The following HOXD11 variants were observed in gnomAD, a reference collection of about 807,000 sequenced individuals.
HOXD11 encodes homeobox D11.
In HOXD11, 16 loss-of-function variants were observed where a neutral mutation model predicts 23.1. That is an observed-to-expected ratio of 0.69 (90% confidence interval 0.47 to 1.05). The LOEUF (loss-of-function observed/expected upper bound fraction) is 1.05, where lower values mean the gene tolerates loss of function less well. Among genes scored for constraint, HOXD11 ranks in the 50% least tolerant of loss-of-function variants. The probability of loss-of-function intolerance (pLI) is 0.00; values close to 1 mark genes in which losing one functional copy is unlikely to be tolerated. For synonymous variants in HOXD11, 262 were observed against 224.4 expected, an observed-to-expected ratio of 1.17 and a Z score of -1.50; for missense variants, 564 against 495.6, an observed-to-expected ratio of 1.14 and a Z score of -1.31.
chr2:176,109,047 C>CGGCA lies in HOXD11; in HGVS notation c.923_926dup (p.Val310AlafsTer99). 2 of 1,614,000 alleles carry CGGCA rather than the reference C, an allele frequency of 1.2e-6. No individual in the cohort carries two copies. Among genetic ancestry groups the CGGCA allele is most frequent in the Non-Finnish European group, 1.7e-6 (2 of 1,179,854 alleles). On this transcript the variant is annotated frameshift_variant, in exon 2 of 2. Transcript: ENST00000249504. LOFTEE classifies it high-confidence loss of function. ...CTCTCGGATGCTCAACCTCACTGAC[C>CGGCA]GGCAAGTCAAAATCTGGTTCCAGAA...
At chr2:176,113,954 CTTG>C (rs1481448551), downstream of HOXD11, among the ~76,000 whole-genome samples, 1 of 152,176 alleles carries the variant, frequency 6.6e-6, no homozygotes, top group Non-Finnish European at 1.5e-5. Flanking sequence ...CAAGGAATTG[CTTG>C]TTTTTAGCCT....
In HOXD11 at chr2:176,107,327, A is replaced by G. The variant is rs1403856309; in HGVS notation, c.-29A>G. 4 of 1,555,496 alleles carry G rather than the reference A, an allele frequency of 2.6e-6. No individual in the cohort carries two copies. Among genetic ancestry groups the G allele is most frequent in the Non-Finnish European group, 3.5e-6 (4 of 1,152,794 alleles). On this transcript the variant is annotated 5_prime_UTR_variant, in exon 1 of 2. Coordinates refer to ENST00000249504, the MANE Select transcript of HOXD11 (RefSeq NM_021192.3). ...GGTTGGCTGCGCGGGGAGCGGCCAG[A>G]GGCTCGCTGGCGCGCACGCCGCGGA...
downstream of HOXD11, among the ~76,000 whole-genome samples, chr2:176,113,192 T>A (rs1364594773): frequency 6.6e-6 from 1 of 152,042 alleles, no homozygotes; most frequent in Non-Finnish European, 1.5e-5. Context: ...ATCGACTCCA[T>A]CCGCTCTGTC....
In HOXD11 at chr2:176,108,953, C is replaced by A. The variant is rs139282132; in HGVS notation, c.828C>A (p.Tyr276Ter). Residue 276 changes from tyrosine (Y) to a stop codon, truncating the protein, a stop_gained, in exon 2 of 2, where the codon TAC (tyrosine) becomes TAA (stop). Transcript: ENST00000249504. LOFTEE classifies it high-confidence loss of function. ...AAAAGCGCTGTCCCTATACCAAGTA[C>A]CAGATCCGCGAACTGGAACGCGAGT... ...SRKKRCPYTK[Y>*]QIRELEREFF... is the part of the protein sequence containing the mutation. 1.9e-6 allele frequency: 3 copies of A among 1,614,006 alleles called. No individual in the cohort carries two copies. The highest frequency in any genetic ancestry group is 2.7e-5 in the African/African-American group (2 of 74,914).
chr2:176,112,153 A>G (rs1689685489), downstream of HOXD11, among the ~76,000 whole-genome samples: 1 of 152,104 alleles, frequency 6.6e-6, no homozygotes, highest in South Asian at 2.1e-4. Flanking sequence ...TAAAACGGGG[A>G]ATGTATTTGA....
chr2:176,111,838 A>AC (rs1559115512), downstream of HOXD11, among the ~76,000 whole-genome samples: 14 of 148,016 alleles, frequency 9.5e-5, 2 homozygotes, highest in Admixed American at 2.7e-4. Flanking sequence ...AAAAAAAAAA[A>AC]AAAAAAAAAA....
At chr2:176,111,254 C>T (rs1689668481), downstream of HOXD11, 1 of 151,896 alleles carries the variant, frequency 6.6e-6, no homozygotes, top group Non-Finnish European at 1.5e-5. Flanking sequence ...TGTGATCGTT[C>T]CATGAGCTTA....
downstream of HOXD11, among the ~76,000 whole-genome samples, chr2:176,110,861 C>G (rs1291849583): frequency 6.6e-6 from 1 of 152,190 alleles, no homozygotes; most frequent in Non-Finnish European, 1.5e-5. Flanking sequence ...CAGTCAACTT[C>G]TTTTTAAAAA....
At chr2:176,108,553 G>C (rs944566046) in intron 1 of HOXD11, among the ~76,000 whole-genome samples, 1 of 152,008 alleles carries the variant, frequency 6.6e-6, no homozygotes, top group East Asian at 1.9e-4. Flanking sequence ...GACGCGCGCC[G>C]CTGGAGTCAA....
At chr2:176,114,472 A>G (rs1055979283), downstream of HOXD11, among the ~76,000 whole-genome samples, 6 of 152,078 alleles carry the variant, frequency 3.9e-5, no homozygotes, top group African/African-American at 9.7e-5. Flanking sequence ...TAACCTGACA[A>G]TGATGTTGTA....
In HOXD11 at chr2:176,109,050, C is replaced by T; in HGVS notation, c.925C>T (p.Gln309Ter). The change falls in exon 2 of 2, where the codon CAA (glutamine) becomes TAA (stop). Residue 309 changes from glutamine to a stop codon, truncating the protein, a stop_gained. Transcript: ENST00000249504. LOFTEE classifies it high-confidence loss of function. Reference sequence around the variant, plus strand: ...TCGGATGCTCAACCTCACTGACCGGCAAGTCAAAATCTGGTTCCAGAATCG... The same window carrying T: ...TCGGATGCTCAACCTCACTGACCGGTAAGTCAAAATCTGGTTCCAGAATCG... Reference protein sequence around the residue: ...LSRMLNLTDRQVKIWFQNRRM... With the variant: ...LSRMLNLTDR 1 of 1,614,038 alleles carries T rather than the reference C, an allele frequency of 6.2e-7. No individual in the cohort carries two copies. The highest frequency in any genetic ancestry group is 1.1e-5 in the South Asian group (1 of 91,080).
At chr2:176,110,529 G>A (rs1689659228), downstream of HOXD11, among the ~76,000 whole-genome samples, 1 of 152,192 alleles carries the variant, frequency 6.6e-6, no homozygotes. Flanking sequence ...CTTCCAAGGA[G>A]TCATGCACTT....
In HOXD11 at chr2:176,107,775, C is replaced by A. The variant is rs1689603554; in HGVS notation, c.420C>A (p.Leu140=). 3 of 1,306,844 alleles carry A rather than the reference C, an allele frequency of 2.3e-6. No individual in the cohort carries two copies. The highest frequency in any genetic ancestry group is 2.1e-5 in the South Asian group (1 of 48,720). The allele number at this position is 1,306,844 out of a possible 1,614,324, so 81.0% of individuals were successfully genotyped here. A position where few individuals can be genotyped will look rare whatever the true frequency, so the allele number is the denominator to read the frequency against. ...LPPAGRRPDV[L]FKAPEPVCAA... is the part of the protein sequence containing the mutation. The stretch of plus-strand genomic sequence containing the variant: ...CCGCGGGCCGCCGGCCGGACGTGCT[C>A]TTCAAGGCGCCTGAGCCGGTGTGCG... Residue 140 remains leucine, a synonymous_variant, in exon 1 of 2, where the codon CTC becomes CTA. Transcript: ENST00000249504.
At position 176,107,826 on chromosome 2, in the gene HOXD11, C is replaced by G. The variant is rs745350034; in HGVS notation, c.471C>G (p.Pro157=). 4.2e-6 allele frequency: 6 copies of G among 1,423,956 alleles called. No individual in the cohort carries two copies. The highest frequency in any genetic ancestry group is 4.9e-4 in the Middle Eastern group (2 of 4,062). The allele number at this position is 1,423,956 out of a possible 1,614,324, so 88.2% of individuals were successfully genotyped here. A position where few individuals can be genotyped will look rare whatever the true frequency, so the allele number is the denominator to read the frequency against. The change falls in exon 1 of 2, where the codon CCC becomes CCG. Residue 157 remains proline, a synonymous_variant. Coordinates refer to ENST00000249504, the MANE Select transcript of HOXD11 (RefSeq NM_021192.3). The part of the protein sequence containing the change: ...VCAAPGPPHG[P]AGAASNFYSA... The stretch of plus-strand genomic sequence containing the variant: ...CTGCGCCGGGGCCGCCGCACGGCCC[C>G]GCGGGCGCCGCCTCCAACTTCTACA...
downstream of HOXD11, among the ~76,000 whole-genome samples, chr2:176,112,863 G>A (rs1329644775): frequency 6.6e-6 from 1 of 152,218 alleles, no homozygotes; most frequent in Non-Finnish European, 1.5e-5. Context: ...ACAAGGGCCC[G>A]GGATCAGACC....
Position 176,109,261 on chromosome 2 carries a change from G to A in HOXD11, c.*119G>A, listed in dbSNP as rs985015390. On this transcript the variant is annotated 3_prime_UTR_variant, in exon 2 of 2. Coordinates refer to ENST00000249504, the MANE Select transcript of HOXD11 (RefSeq NM_021192.3). ...ACGTCTCTTCTCTGTGGAACTTCAC[G>A]ATTCCTTCCCACGGTCAACTCGGGA... is the stretch of plus-strand genomic sequence containing the variant. 40 of 690,066 alleles carry A rather than the reference G, an allele frequency of 5.8e-5. No individual in the cohort carries two copies. Among genetic ancestry groups the A allele is most frequent in the Non-Finnish European group, 9.4e-5 (37 of 391,584 alleles). 42.7% of individuals were successfully genotyped at this position (690,066 alleles called of 1,614,324 possible). A position where few individuals can be genotyped will look rare whatever the true frequency, so the allele number is the denominator to read the frequency against.
chr2:176,114,668 G>A (rs6709104), downstream of HOXD11, among the ~76,000 whole-genome samples: 41,069 of 152,008 alleles, frequency 0.27, 5,867 homozygotes, highest in Middle Eastern at 0.34. Context: ...GAGGGACAAA[G>A]GGTTTTTTGG....
Position 176,107,812 on chromosome 2 carries a change from CCGCCGCACGGCCCCGCGGG to C in HOXD11, c.464_482del (p.His155ProfsTer131). On this transcript the variant is annotated frameshift_variant, in exon 1 of 2. Coordinates refer to ENST00000249504, the MANE Select transcript of HOXD11 (RefSeq NM_021192.3). LOFTEE classifies it high-confidence loss of function. ...TGAGCCGGTGTGCGCTGCGCCGGGG[CCGCCGCACGGCCCCGCGGG>C]CGCCGCCTCCAACTTCTACAGCGCG... is the stretch of plus-strand genomic sequence containing the variant. 2.1e-6 allele frequency: 3 copies of C among 1,400,090 alleles called. No individual in the cohort carries two copies. The highest frequency in any genetic ancestry group is 1.5e-5 in the South Asian group (1 of 68,206). The allele number at this position is 1,400,090 out of a possible 1,614,324, so 86.7% of individuals were successfully genotyped here.
downstream of HOXD11, among the ~76,000 whole-genome samples, chr2:176,112,830 T>G (rs1010318170): frequency 6.6e-6 from 1 of 152,158 alleles, no homozygotes; most frequent in African/African-American, 2.4e-5. Flanking sequence ...GTTCCTTTCC[T>G]CCCTGCGCCC....
Sources: allele counts gnomAD v4.1 joint callset (sites outside exome capture counted in the v4.1 genomes callset), GRCh38; gene constraint gnomAD v4.1.1; transcripts MANE v1.5; gene names NCBI Gene and HGNC (gene_info 2026-07-23, HGNC 2026-07-21).